Variants in IL1RAPL1 observed in about 807,000 individuals in gnomAD.
IL1RAPL1 encodes the protein interleukin-1 receptor accessory protein-like 1.
Under a neutral mutation model 48.4 loss-of-function variants are expected in IL1RAPL1, and 3 were observed. The ratio of observed to expected loss-of-function variants is 0.06; its 90% CI spans 0.03 to 0.16. IL1RAPL1 has a LOEUF of 0.16. Among genes scored for constraint, IL1RAPL1 ranks in the 10% least tolerant of loss-of-function variants. The pLI, the probability that IL1RAPL1 is intolerant of heterozygous loss-of-function variation, is 1.00. For missense variants in IL1RAPL1, 349 were observed against 530.6 expected (o/e 0.66, Z 3.36); for synonymous variants, 185 against 187.7 (o/e 0.99, Z 0.12).
intron 3 of IL1RAPL1, among the ~76,000 whole-genome samples, chrX:29,375,980 C>T (rs1244638791): frequency 1.8e-5 from 2 of 111,449 alleles, no homozygotes; most frequent in Admixed American, 9.5e-5. Flanking sequence ...AGTGGTCTAT[C>T]GATCTTGTTT....
At chrX:29,935,677 C>T (rs189921926) in intron 8 of IL1RAPL1, among the ~76,000 whole-genome samples, 2 of 111,521 alleles carry the variant, frequency 1.8e-5, no homozygotes, top group East Asian at 5.6e-4. Context: ...TTTCTTCTAG[C>T]CTTTCATTTT....
intron 3 of IL1RAPL1, among the ~76,000 whole-genome samples, chrX:29,334,045 C>T (rs868276880): frequency 5.6e-4 from 43 of 76,371 alleles, no homozygotes; most frequent in African/African-American, 2.6e-3. Context: ...ACCTCCCTCC[C>T]GGACTGGGCG....
intron 2 of IL1RAPL1, among the ~76,000 whole-genome samples, chrX:29,244,736 G>C (rs772728051): frequency 8.9e-6 from 1 of 112,234 alleles, no homozygotes; most frequent in East Asian, 2.8e-4. Context: ...CAGACTCCAT[G>C]GCAAATTAGT....
intron 6 of IL1RAPL1, among the ~76,000 whole-genome samples, chrX:29,737,781 A>T (rs1043684326): frequency 1.8e-5 from 2 of 112,583 alleles, no homozygotes; most frequent in African/African-American, 6.4e-5. Flanking sequence ...GCACACAGTG[A>T]GTTAATCTAA....
At chrX:29,789,447 G>A (rs1263767186) in intron 6 of IL1RAPL1, among the ~76,000 whole-genome samples, 1 of 111,524 alleles carries the variant, frequency 9.0e-6, no homozygotes, top group Non-Finnish European at 1.9e-5. Context: ...TTATGCTAGT[G>A]TCTATTACAT....
intron 1 of IL1RAPL1, among the ~76,000 whole-genome samples, chrX:28,722,933 G>C (rs1935606816): frequency 9.0e-6 from 1 of 111,104 alleles, no homozygotes; most frequent in Non-Finnish European, 1.9e-5. Context: ...TTGCACCCCA[G>C]GGATGAAGTC....
chrX:29,541,676 G>C (rs1399183613), intron 5 of IL1RAPL1, among the ~76,000 whole-genome samples: 1 of 111,898 alleles, frequency 8.9e-6, no homozygotes, highest in Non-Finnish European at 1.9e-5. Flanking sequence ...AAGTTGATTA[G>C]TGCAGTAACA....
At chrX:29,400,319 A>T (rs1227788849) in intron 5 of IL1RAPL1, among the ~76,000 whole-genome samples, 3 of 112,408 alleles carry the variant, frequency 2.7e-5, no homozygotes, top group Non-Finnish European at 5.6e-5. Context: ...TTTTGCAAGG[A>T]TCAAATGAAG....
chrX:29,933,480 T>C (rs907555540), intron 8 of IL1RAPL1, among the ~76,000 whole-genome samples: 1 of 111,049 alleles, frequency 9.0e-6, no homozygotes, highest in Non-Finnish European at 1.9e-5. Context: ...ATTGACTAGA[T>C]ACACAGACAT....
At chrX:29,895,539 G>A (rs766029425) in intron 6 of IL1RAPL1, among the ~76,000 whole-genome samples, 1 of 112,670 alleles carries the variant, frequency 8.9e-6, no homozygotes, top group Non-Finnish European at 1.9e-5. Flanking sequence ...GCTACCGAGC[G>A]AGACTCCGTC....
intron 3 of IL1RAPL1, among the ~76,000 whole-genome samples, chrX:29,340,555 G>A (rs1165206392): frequency 9.0e-6 from 1 of 111,156 alleles, no homozygotes; most frequent in Admixed American, 9.6e-5. Flanking sequence ...ATTTTTTTTG[G>A]AATAGCAATG....
chrX:29,200,893 TG>T (rs34416498), intron 2 of IL1RAPL1, among the ~76,000 whole-genome samples: 129 of 111,244 alleles, frequency 1.2e-3, no homozygotes, highest in African/African-American at 4.1e-3. Context: ...ACTTGTGTCA[TG>T]GGGGTGTGTT....
intron 2 of IL1RAPL1, among the ~76,000 whole-genome samples, chrX:29,191,698 A>G (rs1054140039): frequency 9.0e-6 from 1 of 111,518 alleles, no homozygotes; most frequent in African/African-American, 3.3e-5. Flanking sequence ...CATTGTGGTA[A>G]TAGTCCACAG....
intron 2 of IL1RAPL1, among the ~76,000 whole-genome samples, chrX:29,119,874 C>T (rs1928747175): frequency 9.0e-6 from 1 of 111,443 alleles, no homozygotes. Flanking sequence ...GCAAAGTCTG[C>T]CCTTAGGAGA....
chrX:29,376,378 A>AT lies in IL1RAPL1; in HGVS notation c.363-19869dup, dbSNP rs749841466. ...AATTTTTGTGTATTTGTATAGTTTT[A>AT]TTTTTTTTTTTAGAAAGTGTCTCAC... On this transcript the variant is annotated intron_variant, in intron 3 of 10. Coordinates refer to ENST00000378993, the MANE Select transcript of IL1RAPL1 (RefSeq NM_014271.4). 5.4e-3 allele frequency among the ~76,000 whole-genome samples: 564 copies of AT among 104,516 alleles called. 5 individuals carry two copies. Among genetic ancestry groups the AT allele is most frequent in the African/African-American group, 0.018 (517 of 28,863 alleles). 90.8% of individuals were successfully genotyped at this position (104,516 alleles called of 115,157 possible). A position where few individuals can be genotyped will look rare whatever the true frequency, so the allele number is the denominator to read the frequency against.
intron 5 of IL1RAPL1, among the ~76,000 whole-genome samples, chrX:29,591,587 C>G (rs753738120): frequency 8.9e-6 from 1 of 112,276 alleles, no homozygotes; most frequent in Non-Finnish European, 1.9e-5. Context: ...ACTCTCCTGT[C>G]TCTCCACAGG....
intron 6 of IL1RAPL1, among the ~76,000 whole-genome samples, chrX:29,814,048 A>G (rs145249940): frequency 0.034 from 3,746 of 111,688 alleles, 145 homozygotes; most frequent in African/African-American, 0.11. Flanking sequence ...CCTGTGATGA[A>G]CATACAAGTG....
At chrX:29,814,794 G>T (rs1456444203) in intron 6 of IL1RAPL1, among the ~76,000 whole-genome samples, 2 of 111,912 alleles carry the variant, frequency 1.8e-5, no homozygotes, top group Non-Finnish European at 3.8e-5. Flanking sequence ...ATTCTTCTGT[G>T]TATGGATGGC....
intron 1 of IL1RAPL1, among the ~76,000 whole-genome samples, chrX:28,673,263 T>A (rs1934964539): frequency 8.9e-6 from 1 of 111,787 alleles, no homozygotes; most frequent in Non-Finnish European, 1.9e-5. Flanking sequence ...ATCTATTCAA[T>A]GAATGGTGCT....
Sources: gnomAD v4.1 joint callset for allele counts (sites outside exome capture counted in the v4.1 genomes callset) on GRCh38, gnomAD v4.1.1 for gene constraint, MANE v1.5 for transcripts, NCBI Gene and HGNC (gene_info 2026-07-23, HGNC 2026-07-21) for gene names.